Variants in ENPP4 observed in about 807,000 individuals in gnomAD.
ENPP4 encodes the protein bis(5'-adenosyl)-triphosphatase ENPP4.
ENPP4 carries 18 observed loss-of-function variants against 33.4 expected under a neutral mutation model. The observed-to-expected ratio is 0.54, with a 90% CI of 0.37 to 0.80. ENPP4 has a LOEUF of 0.80. Among genes scored for constraint, ENPP4 ranks in the 30% least tolerant of loss-of-function variants. ENPP4 has a pLI of 0.00. For missense variants in ENPP4, 480 were observed against 541.7 expected (o/e 0.89, Z 1.13); for synonymous variants, 172 against 189.9 (o/e 0.91, Z 0.78).
rs183686386 is a variant in ENPP4 at position 46,136,393 on chromosome 6, T to A, written c.-33-3158T>A. ...CAGGTGTCTGCTGAGTTAACCTTCATATGTAGGAACTAATTTTAGGATATT... is the reference window on the plus strand; with the variant it reads ...CAGGTGTCTGCTGAGTTAACCTTCAAATGTAGGAACTAATTTTAGGATATT... On this transcript the variant is annotated intron_variant, in intron 1 of 3. Transcript: ENST00000321037. Among the ~76,000 whole-genome samples, 25 of 152,116 alleles carry A rather than the reference T, an allele frequency of 1.6e-4. 1 individual carries two copies. Among genetic ancestry groups the A allele is most frequent in the Admixed American group, 1.4e-3 (22 of 15,250 alleles).
chr6:46,131,316 C>T (rs529842349), intron 1 of ENPP4, among the ~76,000 whole-genome samples: 14 of 151,684 alleles, frequency 9.2e-5, no homozygotes, highest in Non-Finnish European at 2.1e-4. Context: ...CCCTTCCCCC[C>T]ACCCCACAAC....
At chr6:46,136,558 T>C (rs1763978164) in intron 1 of ENPP4, among the ~76,000 whole-genome samples, 1 of 152,024 alleles carries the variant, frequency 6.6e-6, no homozygotes, top group African/African-American at 2.4e-5. Flanking sequence ...TTGGCAGTTA[T>C]TTCTGTATTT....
chr6:46,136,680 A>G (rs1427535015), intron 1 of ENPP4, among the ~76,000 whole-genome samples: 1 of 151,826 alleles, frequency 6.6e-6, no homozygotes, highest in Admixed American at 6.6e-5. Flanking sequence ...AATATATTTT[A>G]AATTAAGGGA....
chr6:46,135,085 GTT>G (rs1168666954), intron 1 of ENPP4, among the ~76,000 whole-genome samples: 1 of 151,998 alleles, frequency 6.6e-6, no homozygotes, highest in Admixed American at 6.6e-5. Context: ...CCATTCATAA[GTT>G]AGTGCACATT....
At position 46,143,673 on chromosome 6, in the gene ENPP4, T is replaced by C; in HGVS notation, c.*33T>C. 5 of 1,552,332 alleles carry C rather than the reference T, an allele frequency of 3.2e-6. No individual in the cohort carries two copies. In the Middle Eastern group the frequency reaches 8.7e-4, roughly 271 times the overall value. On this transcript the variant is annotated 3_prime_UTR_variant, in exon 4 of 4. Coordinates refer to ENST00000321037, the MANE Select transcript of ENPP4 (RefSeq NM_014936.5). ...TAGGGCTTATACAAAGTGTCTTTGA[T>C]TAATCACAAAACTAAGAATACATCC...
At chr6:46,136,586 A>C (rs906454673) in intron 1 of ENPP4, among the ~76,000 whole-genome samples, 1 of 152,016 alleles carries the variant, frequency 6.6e-6, no homozygotes, top group South Asian at 2.1e-4. Flanking sequence ...AGTAATTTGC[A>C]TGCAAGTTGG....
At chr6:46,130,730 TA>T (rs1763882734) in intron 1 of ENPP4, among the ~76,000 whole-genome samples, 1 of 152,240 alleles carries the variant, frequency 6.6e-6, no homozygotes, top group Non-Finnish European at 1.5e-5. Context: ...CGTAAGGACT[TA>T]AAAACAATGC....
rs772559808 is a variant in ENPP4, at chr6:46,143,288, G to T, written c.1010G>T (p.Gly337Val). The T allele has an allele frequency of 1.3e-6, 2 of 1,580,626 alleles. No homozygotes were observed. Among genetic ancestry groups the T allele is most frequent in the South Asian group, 2.3e-5 (2 of 86,788 alleles). ...NESSQKLGDH[G>V]YDNSLPSMHP... ...TGTTCTTTTTCAGTAGGTGACCATG[G>T]TTATGATAATTCTTTGCCTAGTATG... Residue 337 changes from glycine to valine, a missense_variant, in exon 4 of 4, where the codon GGT (glycine) becomes GTT (valine). Physicochemically the swap from Gly to Val is moderately radical, Grantham distance 109. Transcript: ENST00000321037.
At chr6:46,131,129 T>A (rs940562182) in intron 1 of ENPP4, among the ~76,000 whole-genome samples, 2 of 150,290 alleles carry the variant, frequency 1.3e-5, no homozygotes. Flanking sequence ...CATTTTTTTT[T>A]ATGGTCTCAG....
chr6:46,138,368 G>C (rs993295933), intron 1 of ENPP4, among the ~76,000 whole-genome samples: 3 of 151,824 alleles, frequency 2.0e-5, no homozygotes, highest in Non-Finnish European at 4.4e-5. Flanking sequence ...GTTCATGCCT[G>C]TGCCAGGTTT....
In ENPP4 at chr6:46,144,500, T is replaced by C. The variant is rs1764115115; in HGVS notation, c.*860T>C. 6.6e-6 allele frequency: 1 copy of C among 152,372 alleles called. No individual in the cohort carries two copies. The highest frequency in any genetic ancestry group is 6.6e-5 in the Admixed American group (1 of 15,202). The allele number at this position is 152,372 out of a possible 1,614,324, so 9.4% of individuals were successfully genotyped here. A position where few individuals can be genotyped will look rare whatever the true frequency, so the allele number is the denominator to read the frequency against. ...ATGGACTGTGGCCAGGCTTCCACAT[T>C]CCTGAAGCACACAGATCTCAGGAAA... On this transcript the variant is annotated 3_prime_UTR_variant, in exon 4 of 4. Transcript: ENST00000321037.
intron 2 of ENPP4, 54 bp downstream of exon 2, chr6:46,140,463 A>G: frequency 3.1e-6 from 3 of 977,856 alleles, no homozygotes; most frequent in Non-Finnish European, 4.6e-6. Flanking sequence ...CAATTGATTG[A>G]GGGGGGTGGG....
chr6:46,143,338 C>T lies in ENPP4; in HGVS notation c.1060C>T (p.Pro354Ser), dbSNP rs754886780. The change falls in exon 4 of 4, where the codon CCT becomes TCT. Residue 354 changes from proline (P) to serine (S), a missense_variant. Pro to Ser is a moderately conservative substitution (Grantham distance 74). Coordinates refer to ENST00000321037, the MANE Select transcript of ENPP4 (RefSeq NM_014936.5). ...GCATCCATTTCTAGCTGCCCACGGA[C>T]CTGCATTTCACAAAGGCTACAAGCA... ...SMHPFLAAHG[P>S]AFHKGYKHST... 1 of 1,610,200 alleles carries T rather than the reference C, an allele frequency of 6.2e-7. No individual in the cohort carries two copies. Among genetic ancestry groups the T allele is most frequent in the South Asian group, 1.1e-5 (1 of 90,900 alleles).
rs369238030 is a variant in ENPP4 at position 46,144,342 on chromosome 6, G to C, written c.*702G>C. 2 of 151,760 alleles carry C rather than the reference G, an allele frequency of 1.3e-5. No individual in the cohort carries two copies. The highest frequency in any genetic ancestry group is 2.9e-5 in the Non-Finnish European group (2 of 67,826). 9.4% of individuals were successfully genotyped at this position (151,760 alleles called of 1,614,324 possible). On this transcript the variant is annotated 3_prime_UTR_variant, in exon 4 of 4. Coordinates refer to ENST00000321037, the MANE Select transcript of ENPP4 (RefSeq NM_014936.5). The stretch of plus-strand genomic sequence containing the variant: ...GTTAAAAAATTCAGAAGAAAAGAGA[G>C]ACAAGTGCTCTTCTCTCTATCTATG...
chr6:46,140,469 G>A lies in ENPP4; in HGVS notation c.826+60G>A, dbSNP rs527878327. ...CGAATGGGGCAATTGATTGAGGGGG[G>A]TGGGTTGTATAAAAGAATGAAGCTC... is the stretch of plus-strand genomic sequence containing the variant. On this transcript the variant is annotated intron_variant, in intron 2 of 3. Coordinates refer to ENST00000321037, the MANE Select transcript of ENPP4 (RefSeq NM_014936.5). The A allele has an allele frequency of 6.0e-5, 60 of 995,512 alleles. No homozygotes were observed. The African/African-American group carries it at 8.5e-4, about 14-fold the overall frequency. 61.7% of individuals were successfully genotyped at this position (995,512 alleles called of 1,614,324 possible).
At chr6:46,137,008 A>G (rs1763986849) in intron 1 of ENPP4, among the ~76,000 whole-genome samples, 1 of 151,898 alleles carries the variant, frequency 6.6e-6, no homozygotes, top group Non-Finnish European at 1.5e-5. Context: ...AGATGATACG[A>G]AGATAGAATT....
In ENPP4 at chr6:46,145,926, A is replaced by T. The variant is rs904911951; in HGVS notation, c.*2286A>T. 6.6e-6 allele frequency: 1 copy of T among 151,924 alleles called. No homozygotes were observed. Among genetic ancestry groups the T allele is most frequent in the African/African-American group, 2.4e-5 (1 of 41,416 alleles). The allele number at this position is 151,924 out of a possible 1,614,324, so 9.4% of individuals were successfully genotyped here. On this transcript the variant is annotated 3_prime_UTR_variant, in exon 4 of 4. Coordinates refer to ENST00000321037, the MANE Select transcript of ENPP4 (RefSeq NM_014936.5). Reference sequence around the variant, plus strand: ...TATCTTTTAAAAAATTATCACTGTTAAAGCCATTGACTCCTTTAGTACACT... The same window carrying T: ...TATCTTTTAAAAAATTATCACTGTTTAAGCCATTGACTCCTTTAGTACACT...
chr6:46,135,345 A>T (rs1763961483), intron 1 of ENPP4, among the ~76,000 whole-genome samples: 1 of 151,908 alleles, frequency 6.6e-6, no homozygotes, highest in Non-Finnish European at 1.5e-5. Flanking sequence ...GTTGTTATCT[A>T]TTTTATTTAC....
chr6:46,139,870 C>T lies in ENPP4; in HGVS notation c.287C>T (p.Ala96Val), dbSNP rs780315627. Residue 96 changes from alanine to valine, a missense_variant, in exon 2 of 4, where the codon GCA becomes GTA. Ala to Val is a moderately conservative substitution (Grantham distance 64). This residue lies in a region of ENPP4 where 227 missense variants were observed against 273.7 expected (regional missense o/e 0.83). Coordinates refer to ENST00000321037, the MANE Select transcript of ENPP4 (RefSeq NM_014936.5). ...ATTGTGGCTAATTCCATGTATGATG[C>T]AGTCACAAAGAAACACTTTTCTGAC... ...HGIVANSMYDAVTKKHFSDSN... is the reference protein window; with the variant it reads ...HGIVANSMYDVVTKKHFSDSN... The T allele has an allele frequency of 6.2e-7, 1 of 1,612,544 alleles. No individual in the cohort carries two copies. The highest frequency in any genetic ancestry group is 8.5e-7 in the Non-Finnish European group (1 of 1,179,090).
Sources: allele counts gnomAD v4.1 joint callset (sites outside exome capture counted in the v4.1 genomes callset), GRCh38; gene constraint gnomAD v4.1.1; regional missense constraint gnomAD v4.1.1; transcripts MANE v1.5; gene names NCBI Gene and HGNC (gene_info 2026-07-23, HGNC 2026-07-21).